DOCK6: variants seen among roughly 807,000 people sequenced by gnomAD.
DOCK6 encodes dedicator of cytokinesis protein 6.
Under a neutral mutation model 230.3 loss-of-function variants are expected in DOCK6, and 167 were observed. That is an observed-to-expected ratio of 0.73 (90% CI 0.64 to 0.82). DOCK6 has a LOEUF of 0.82. Among genes scored for constraint, DOCK6 ranks in the 40% least tolerant of loss-of-function variants. The pLI, the probability that DOCK6 is intolerant of heterozygous loss-of-function variation, is 0.00. For synonymous variants in DOCK6, 1,148 were observed against 1,185.0 expected, an observed-to-expected ratio of 0.97 and a Z score of 0.64; for missense variants, 2,598 against 2,825.8, an observed-to-expected ratio of 0.92 and a Z score of 1.83.
intron 14 of DOCK6, chr19:11,241,770 G>A: frequency 6.5e-7 from 1 of 1,543,712 alleles, no homozygotes; most frequent in Middle Eastern, 1.7e-4. Flanking sequence ...GGGAGGAGCT[G>A]CCTGTTCACT....
At chr19:11,247,104 T>C (rs2080046920) in intron 7 of DOCK6, among the ~76,000 whole-genome samples, 1 of 152,154 alleles carries the variant, frequency 6.6e-6, no homozygotes, top group Non-Finnish European at 1.5e-5. Context: ...ACTTCATAAA[T>C]GTTTTATTTT....
rs1479118551 is a variant in DOCK6, at chr19:11,239,643, AG to A, written c.1644-1340del. 1.9e-6 allele frequency: 3 copies of A among 1,613,674 alleles called. No individual in the cohort carries two copies. The African/African-American group carries it at 4.0e-5, about 22-fold the overall frequency. On this transcript the variant is annotated intron_variant, in intron 14 of 47. Transcript: ENST00000294618. The stretch of plus-strand genomic sequence containing the variant: ...TATACCTTAGACCCTCAGTCATGCC[AG>A]TGCCTGCTCTGTGCCTGCTCTGGGC...
At chr19:11,237,130 A>C (rs1323462161) in intron 18 of DOCK6, 1 of 589,988 alleles carries the variant, frequency 1.7e-6, no homozygotes, top group East Asian at 2.8e-5. Context: ...TAGGTCAGGA[A>C]ACAGGATAGG....
At chr19:11,248,804 C>A (rs940334730) in intron 6 of DOCK6, among the ~76,000 whole-genome samples, 2 of 152,120 alleles carry the variant, frequency 1.3e-5, no homozygotes, top group African/African-American at 2.4e-5. Context: ...ATGGCTATAT[C>A]CCCAATGCCA....
At chr19:11,248,016 C>A (rs749314214) in intron 7 of DOCK6, 50 bp downstream of exon 7, 1 of 1,525,840 alleles carries the variant, frequency 6.6e-7, no homozygotes, top group East Asian at 2.3e-5. Flanking sequence ...CGCCGGAACC[C>A]ATGTGGTTGC....
chr19:11,214,974 G>A (rs1163183521), intron 32 of DOCK6, among the ~76,000 whole-genome samples: 3 of 141,732 alleles, frequency 2.1e-5, no homozygotes, highest in South Asian at 2.2e-4. Flanking sequence ...ATGGAGTCTC[G>A]CTCTGTCACC....
intron 2 of DOCK6, among the ~76,000 whole-genome samples, chr19:11,253,191 C>G (rs1022660372): frequency 9.9e-5 from 15 of 152,218 alleles, no homozygotes; most frequent in Non-Finnish European, 1.8e-4. Context: ...GGAAATCACA[C>G]CCCATGCCTG....
intron 14 of DOCK6, chr19:11,239,590 TA>T: frequency 2.5e-6 from 4 of 1,606,774 alleles, no homozygotes; most frequent in Non-Finnish European, 3.4e-6. Context: ...GTATGAGGCA[TA>T]AAAGGCTTCA....
chr19:11,241,380 G>A, intron 14 of DOCK6: 2 of 1,028,588 alleles, frequency 1.9e-6, no homozygotes, highest in Admixed American at 4.0e-5. Context: ...AGGGGCTGGG[G>A]CAGAGGGTCA....
intron 14 of DOCK6, among the ~76,000 whole-genome samples, chr19:11,240,731 G>C (rs1156912573): frequency 6.6e-6 from 1 of 151,742 alleles, no homozygotes; most frequent in South Asian, 2.1e-4. Flanking sequence ...AGGTGCACCA[G>C]CTAATTTTTG....
At position 11,199,486 on chromosome 19, in the gene DOCK6, T is replaced by TC; in HGVS notation, c.*10dup. 1 of 1,578,018 alleles carries TC rather than the reference T, an allele frequency of 6.3e-7. No individual in the cohort carries two copies. Among genetic ancestry groups the TC allele is most frequent in the Non-Finnish European group, 8.6e-7 (1 of 1,161,728 alleles). ...CTGGTTCCTCTAGGTACAGCTTTGG[T>TC]CCTTGTGGGCTCAGAGGTCTGCCTT... On this transcript the variant is annotated 3_prime_UTR_variant, in exon 48 of 48. Coordinates refer to ENST00000294618, the MANE Select transcript of DOCK6 (RefSeq NM_020812.4).
intron 39 of DOCK6, among the ~76,000 whole-genome samples, chr19:11,207,058 C>T (rs2079274121): frequency 6.6e-6 from 1 of 152,228 alleles, no homozygotes; most frequent in African/African-American, 2.4e-5. Context: ...TATTCTTGAA[C>T]TCCTGACCTC....
rs1054316932 is a variant in DOCK6, at chr19:11,216,269, G to C, written c.3895-342C>G. The C allele has an allele frequency of 2.1e-5, 4 of 193,944 alleles. No homozygotes were observed. The Admixed American group carries it at 2.2e-4, about 11-fold the overall frequency. 12.0% of individuals were successfully genotyped at this position (193,944 alleles called of 1,614,324 possible). ...TGCTCAGGTAATTTTTGTATTTTTC[G>C]TAGAGATGGGGTTTTACCATGCTGC... is the stretch of plus-strand genomic sequence containing the variant. On this transcript the variant is annotated intron_variant, in intron 30 of 47. Coordinates refer to ENST00000294618, the MANE Select transcript of DOCK6 (RefSeq NM_020812.4).
rs887587058 is a variant in DOCK6 at position 11,236,596 on chromosome 19, T to C, written c.2161-19A>G. On this transcript the variant is annotated intron_variant, in intron 19 of 47. Coordinates refer to ENST00000294618, the MANE Select transcript of DOCK6 (RefSeq NM_020812.4). The surrounding 1 kb of genome is among the most constrained non-coding windows in gnomAD (Gnocchi z 5.2). ...AGGGGTCCTGGGTAGGGATGTGGAGTGAGCAGGGTGGGGCCTCAGGGAATG... is the reference window on the plus strand; with the variant it reads ...AGGGGTCCTGGGTAGGGATGTGGAGCGAGCAGGGTGGGGCCTCAGGGAATG... The C allele has an allele frequency of 7.7e-6, 12 of 1,556,436 alleles. No individual in the cohort carries two copies. The African/African-American group carries it at 1.6e-4, about 21-fold the overall frequency.
At position 11,237,770 on chromosome 19, in the gene DOCK6, C is replaced by G; in HGVS notation, c.1842G>C (p.Glu614Asp). 6.4e-7 allele frequency: 1 copy of G among 1,567,340 alleles called. No individual in the cohort carries two copies. Among genetic ancestry groups the G allele is most frequent in the East Asian group, 2.4e-5 (1 of 42,236 alleles). Reference sequence around the variant, plus strand: ...GATGCAGCTTGAACTCCTCGTAGAACTCGGGGGACCTGGCAGAATCGGGCT... The same window carrying G: ...GATGCAGCTTGAACTCCTCGTAGAAGTCGGGGGACCTGGCAGAATCGGGCT... ...TPVVYHNKSPEFYEEFKLHLP... is the reference protein window; with the variant it reads ...TPVVYHNKSPDFYEEFKLHLP... The change falls in exon 17 of 48, where the codon GAG becomes GAC. Residue 614 changes from glutamate to aspartate, a missense_variant. Coordinates refer to ENST00000294618, the MANE Select transcript of DOCK6 (RefSeq NM_020812.4).
Position 11,222,307 on chromosome 19 carries a change from A to G in DOCK6, c.3241-59T>C. On this transcript the variant is annotated intron_variant, in intron 26 of 47. Transcript: ENST00000294618. The surrounding 1 kb of genome is among the most constrained non-coding windows in gnomAD (Gnocchi z 4.0). ...GGTCAAGGGTCAGAGGTGGCAGGTC[A>G]CCATTAAAGCCATCTTGGAGGTGAC... The G allele has an allele frequency of 6.5e-7, 1 of 1,548,370 alleles. No individual in the cohort carries two copies. Among genetic ancestry groups the G allele is most frequent in the Non-Finnish European group, 8.7e-7 (1 of 1,143,682 alleles).
Position 11,243,577 on chromosome 19 carries a change from C to CGGTCCAGCTGCCCAGCGCT in DOCK6, c.1219_1237dup (p.Arg413GlnfsTer10). 5 of 1,606,986 alleles carry CGGTCCAGCTGCCCAGCGCT rather than the reference C, an allele frequency of 3.1e-6. No homozygotes were observed. The highest frequency in any genetic ancestry group is 4.2e-6 in the Non-Finnish European group (5 of 1,177,654). On this transcript the variant is annotated frameshift_variant, in exon 11 of 48. Transcript: ENST00000294618. LOFTEE classifies it high-confidence loss of function. The surrounding 1 kb of genome is among the most constrained non-coding windows in gnomAD (Gnocchi z 6.3). ...CTCACCGCCCTCCGAGTCAGAGTCCCGGTCCAGCTGCCCAGCGCTGCTCAC... is the reference window on the plus strand; with the variant it reads ...CTCACCGCCCTCCGAGTCAGAGTCCCGGTCCAGCTGCCCAGCGCTGGTCCAGCTGCCCAGCGCTGCTCAC...
At chr19:11,206,522 C>T (rs1460706883) in intron 39 of DOCK6, 2 of 151,494 alleles carry the variant, frequency 1.3e-5, no homozygotes, top group Non-Finnish European at 2.9e-5. Flanking sequence ...GTGAGCCAGG[C>T]TGCACTCCAG....
At chr19:11,256,035 G>A (rs769333965) in intron 1 of DOCK6, among the ~76,000 whole-genome samples, 47 of 152,114 alleles carry the variant, frequency 3.1e-4, no homozygotes, top group Non-Finnish European at 5.1e-4. Context: ...TGATCCGCCC[G>A]TCTCGGCCTC....
Sources: gnomAD v4.1 joint callset for allele counts (sites outside exome capture counted in the v4.1 genomes callset) on GRCh38, gnomAD v4.1.1 for gene constraint, Gnocchi (gnomAD v3.1) non-coding constraint, MANE v1.5 for transcripts, NCBI Gene and HGNC (gene_info 2026-07-23, HGNC 2026-07-21) for gene names.